The following KCNQ1 variants were observed in gnomAD, a reference collection of about 807,000 sequenced individuals.
The protein encoded by KCNQ1 is potassium voltage-gated channel subfamily KQT member 1.
In KCNQ1, 49 loss-of-function variants were observed where a neutral mutation model predicts 72.4. The ratio of observed to expected loss-of-function variants is 0.68; its 90% CI spans 0.54 to 0.86. The LOEUF (loss-of-function observed/expected upper bound fraction) is 0.86. Ranked by LOEUF, KCNQ1 falls within the 40% of genes least tolerant of loss-of-function variation. The pLI is 0.00. For synonymous variants in KCNQ1, 450 were observed against 412.6 expected, an observed-to-expected ratio of 1.09 and a Z score of -1.10; for missense variants, 790 against 945.1, an observed-to-expected ratio of 0.84 and a Z score of 2.15.
At chr11:2,650,618 T>C (rs999778511) in intron 10 of KCNQ1, 2 of 398,660 alleles carry the variant, frequency 5.0e-6, no homozygotes, top group Non-Finnish European at 8.8e-6. Flanking sequence ...CTTACTCCTC[T>C]ATTTTTGCTG....
chr11:2,757,561 TG>T (rs985271780), intron 11 of KCNQ1, among the ~76,000 whole-genome samples: 1 of 152,218 alleles, frequency 6.6e-6, no homozygotes, highest in Non-Finnish European at 1.5e-5. Flanking sequence ...CTTATGGACA[TG>T]GACAAACTTG....
rs1564805748 is a variant in KCNQ1, at chr11:2,523,214, G to GA, written c.387-4714_387-4713insA. On this transcript the variant is annotated intron_variant, in intron 1 of 15. Coordinates refer to ENST00000155840, the MANE Select transcript of KCNQ1 (RefSeq NM_000218.3). ...TTTAATTTAATTTTTTTTTTTTTGT[G>GA]GTGGAGTCTTGCTCTGTCACCCAGG... 4.0e-3 allele frequency among the ~76,000 whole-genome samples: 575 copies of GA among 142,580 alleles called. 4 individuals are homozygous for GA. The highest frequency in any genetic ancestry group is 0.015 in the African/African-American group (550 of 35,618). 93.5% of individuals were successfully genotyped at this position (142,580 alleles called of 152,430 possible).
rs972086834 is a variant in KCNQ1 at position 2,720,786 on chromosome 11, C to A, written c.1515-48058C>A. Reference sequence around the variant, plus strand: ...CCCTCTCAGCCAATGGGAAGTCGTGCCCTTGGATCATTTGGGGCAAATGGT... The same window carrying A: ...CCCTCTCAGCCAATGGGAAGTCGTGACCTTGGATCATTTGGGGCAAATGGT... On this transcript the variant is annotated intron_variant, in intron 11 of 15. Transcript: ENST00000155840. This position sits in a 1 kb window ranked among gnomAD's most constrained non-coding sequence, Gnocchi z 5.1. Among the ~76,000 whole-genome samples the A allele has an allele frequency of 5.3e-5, 8 of 152,124 alleles. No homozygotes were observed. Among genetic ancestry groups the A allele is most frequent in the Non-Finnish European group, 7.4e-5 (5 of 68,018 alleles).
chr11:2,603,887 C>T lies in KCNQ1; in HGVS notation c.1393+15033C>T, dbSNP rs112760696. On this transcript the variant is annotated intron_variant, in intron 10 of 15. Transcript: ENST00000155840. This position sits in a 1 kb window ranked among gnomAD's most constrained non-coding sequence, Gnocchi z 4.1. Reference sequence around the variant, plus strand: ...TGTATTTTTAGTAGTGACGGGGTTTCGCCATGTTAGCCAGGCTGGTCTCGA... The same window carrying T: ...TGTATTTTTAGTAGTGACGGGGTTTTGCCATGTTAGCCAGGCTGGTCTCGA... Among the ~76,000 whole-genome samples the T allele has an allele frequency of 2.4e-3, 365 of 152,104 alleles. 4 individuals are homozygous for T. The highest frequency in any genetic ancestry group is 8.2e-3 in the African/African-American group (342 of 41,528).
At chr11:2,454,590 G>C (rs1025846863) in intron 1 of KCNQ1, among the ~76,000 whole-genome samples, 1 of 152,232 alleles carries the variant, frequency 6.6e-6, no homozygotes, top group East Asian at 1.9e-4. Flanking sequence ...GCAGGTTAAG[G>C]TAAGTAATTG....
intron 15 of KCNQ1, among the ~76,000 whole-genome samples, chr11:2,791,935 C>T (rs557258990): frequency 1.5e-4 from 23 of 152,370 alleles, no homozygotes; most frequent in African/African-American, 5.3e-4. Context: ...TTTACTTTGC[C>T]GCGCGAACAG....
chr11:2,819,850 A>T (rs1847696499), intron 15 of KCNQ1, among the ~76,000 whole-genome samples: 1 of 152,118 alleles, frequency 6.6e-6, no homozygotes, highest in South Asian at 2.1e-4. Context: ...CACTTTTGGT[A>T]TTTTTTGCCT....
Position 2,647,760 on chromosome 11 carries a change from G to C in KCNQ1, c.1394-14201G>C. The stretch of plus-strand genomic sequence containing the variant: ...TCCAGGAATTTATCTCTTTCCTCTA[G>C]GTTTTCTAATTGTTGACATATAGTT... On this transcript the variant is annotated intron_variant, in intron 10 of 15. Coordinates refer to ENST00000155840, the MANE Select transcript of KCNQ1 (RefSeq NM_000218.3). This position sits in a 1 kb window ranked among gnomAD's most constrained non-coding sequence, Gnocchi z 4.0. 1 of 398,054 alleles carries C rather than the reference G, an allele frequency of 2.5e-6. No homozygotes were observed. The highest frequency in any genetic ancestry group is 4.4e-6 in the Non-Finnish European group (1 of 225,968). 24.7% of individuals were successfully genotyped at this position (398,054 alleles called of 1,614,324 possible).
intron 2 of KCNQ1, 86 bp downstream of exon 2, chr11:2,528,104 G>C (rs879222660): frequency 4.1e-6 from 3 of 735,932 alleles, no homozygotes; most frequent in African/African-American, 1.8e-5. Flanking sequence ...TAAGGTGGGG[G>C]GCAGAGCCAC....
At position 2,497,755 on chromosome 11, in the gene KCNQ1, T is replaced by A. The variant is rs2133638024; in HGVS notation, c.387-30173T>A. ...TTGGAGGAGAAGAGGCATTCTGGTT[T>A]TTAGAATGTTCAGCATTTTTGTGCT... On this transcript the variant is annotated intron_variant, in intron 1 of 15. Transcript: ENST00000155840. This position sits in a 1 kb window ranked among gnomAD's most constrained non-coding sequence, Gnocchi z 4.5. Among the ~76,000 whole-genome samples the A allele has an allele frequency of 1.3e-5, 2 of 151,462 alleles. No individual in the cohort carries two copies. Among genetic ancestry groups the A allele is most frequent in the East Asian group, 3.8e-4 (2 of 5,200 alleles).
chr11:2,477,371 C>G lies in KCNQ1; in HGVS notation c.386+31887C>G, dbSNP rs1014183473. Among the ~76,000 whole-genome samples the G allele has an allele frequency of 6.6e-6, 1 of 152,160 alleles. No homozygotes were observed. The highest frequency in any genetic ancestry group is 2.1e-4 in the South Asian group (1 of 4,830). On this transcript the variant is annotated intron_variant, in intron 1 of 15. Coordinates refer to ENST00000155840, the MANE Select transcript of KCNQ1 (RefSeq NM_000218.3). This position sits in a 1 kb window ranked among gnomAD's most constrained non-coding sequence, Gnocchi z 5.0. The stretch of plus-strand genomic sequence containing the variant: ...AGTTTTTTCTGGAAAAGCCTCCAGC[C>G]CACGGTGACCTAGGTTCTTCCCACC...
Position 2,698,497 on chromosome 11 carries a change from ACCTCTCACCTGGCAGGTGATCACCAC to A in KCNQ1, c.1514+36419_1514+36444del, listed in dbSNP as rs1850715456. ...ATATGACCAAGAGACTTCTACCACT[ACCTCTCACCTGGCAGGTGATCACCAC>A]CCCCAACTCAGACTGCAACCTTTAC... On this transcript the variant is annotated intron_variant, in intron 11 of 15. Coordinates refer to ENST00000155840, the MANE Select transcript of KCNQ1 (RefSeq NM_000218.3). This position sits in a 1 kb window ranked among gnomAD's most constrained non-coding sequence, Gnocchi z 5.1. 2.5e-6 allele frequency: 1 copy of A among 398,208 alleles called. No homozygotes were observed. The highest frequency in any genetic ancestry group is 2.1e-5 in the African/African-American group (1 of 48,486). 24.7% of individuals were successfully genotyped at this position (398,208 alleles called of 1,614,324 possible).
rs1172217150 is a variant in KCNQ1, at chr11:2,495,897, A to G, written c.387-32031A>G. Reference sequence around the variant, plus strand: ...GTTCAAGTCCTGAATATCCTTGTTAATTTTCTGTCTCATTGATCTGTCTAA... The same window carrying G: ...GTTCAAGTCCTGAATATCCTTGTTAGTTTTCTGTCTCATTGATCTGTCTAA... On this transcript the variant is annotated intron_variant, in intron 1 of 15. Coordinates refer to ENST00000155840, the MANE Select transcript of KCNQ1 (RefSeq NM_000218.3). This position sits in a 1 kb window ranked among gnomAD's most constrained non-coding sequence, Gnocchi z 4.6. Among the ~76,000 whole-genome samples, 2 of 152,046 alleles carry G rather than the reference A, an allele frequency of 1.3e-5. No homozygotes were observed. The highest frequency in any genetic ancestry group is 2.9e-5 in the Non-Finnish European group (2 of 68,010).
intron 10 of KCNQ1, chr11:2,630,348 A>G: frequency 5.0e-6 from 2 of 397,964 alleles, no homozygotes; most frequent in Non-Finnish European, 8.9e-6. Flanking sequence ...GTATAGTCAT[A>G]AAAAAATATC....
chr11:2,572,298 C>T (rs1589957997), intron 5 of KCNQ1, among the ~76,000 whole-genome samples, 189 bp downstream of exon 5: 1 of 152,158 alleles, frequency 6.6e-6, no homozygotes, highest in South Asian at 2.1e-4. Context: ...CTGGATGCTC[C>T]ACCCCAGCCT....
At chr11:2,641,426 G>A (rs931052069) in intron 10 of KCNQ1, 8 of 397,412 alleles carry the variant, frequency 2.0e-5, no homozygotes, top group African/African-American at 1.2e-4. Flanking sequence ...TTGGCTACTT[G>A]TATGTTTTCT....
Position 2,516,511 on chromosome 11 carries a change from G to A in KCNQ1, c.387-11417G>A, listed in dbSNP as rs1166214958. Among the ~76,000 whole-genome samples the A allele has an allele frequency of 1.3e-5, 2 of 152,112 alleles. No individual in the cohort carries two copies. The highest frequency in any genetic ancestry group is 2.9e-5 in the Non-Finnish European group (2 of 68,020). ...CCCAGAAAGCCTTTGAGATGGACAGGGAGCTGGACCTTCCCAATTCGGTTG... is the reference window on the plus strand; with the variant it reads ...CCCAGAAAGCCTTTGAGATGGACAGAGAGCTGGACCTTCCCAATTCGGTTG... On this transcript the variant is annotated intron_variant, in intron 1 of 15. Transcript: ENST00000155840. This position sits in a 1 kb window ranked among gnomAD's most constrained non-coding sequence, Gnocchi z 7.0.
At chr11:2,680,064 T>G (rs1850365185) in intron 11 of KCNQ1, 2 of 395,920 alleles carry the variant, frequency 5.1e-6, no homozygotes, top group African/African-American at 4.1e-5. Flanking sequence ...TGGCTAATTT[T>G]TTTTTTTATT....
intron 11 of KCNQ1, among the ~76,000 whole-genome samples, chr11:2,749,557 C>G (rs527898800): frequency 2.8e-4 from 43 of 151,334 alleles, no homozygotes; most frequent in African/African-American, 9.2e-4. Flanking sequence ...CGCCTGTAAT[C>G]TCAGCACTTT....
Sources: allele counts gnomAD v4.1 joint callset (sites outside exome capture counted in the v4.1 genomes callset), GRCh38; gene constraint gnomAD v4.1.1; non-coding constraint Gnocchi (gnomAD v3.1); transcripts MANE v1.5; gene names NCBI Gene and HGNC (gene_info 2026-07-23, HGNC 2026-07-21).